The following RUNX1 variants were observed in gnomAD, a reference collection of about 807,000 sequenced individuals.
RUNX1 encodes the protein runt-related transcription factor 1.
A neutral mutation model predicts 42.8 loss-of-function variants in RUNX1; 19 were observed. The observed-to-expected ratio is 0.44, with a 90% CI of 0.31 to 0.65. The LOEUF is 0.65. Ranked by LOEUF, RUNX1 falls within the 30% of genes least tolerant of loss-of-function variation. RUNX1 has a pLI of 0.07. For synonymous variants in RUNX1, 271 were observed against 289.4 expected (o/e 0.94, Z 0.64); for missense variants, 528 against 672.0 (o/e 0.79, Z 2.37).
At chr21:34,955,180 G>A (rs2058635611) in intron 2 of RUNX1, among the ~76,000 whole-genome samples, 1 of 151,972 alleles carries the variant, frequency 6.6e-6, no homozygotes, top group Non-Finnish European at 1.5e-5. Flanking sequence ...AAATCACTGT[G>A]TGCCCATCTG....
intron 2 of RUNX1, among the ~76,000 whole-genome samples, chr21:34,934,617 T>G (rs2058472193): frequency 1.3e-5 from 2 of 152,174 alleles, no homozygotes; most frequent in African/African-American, 4.8e-5. Flanking sequence ...TCGATTCACA[T>G]GCTGGTGCTT....
At chr21:35,005,202 A>T (rs2059075168) in intron 2 of RUNX1, among the ~76,000 whole-genome samples, 2 of 152,228 alleles carry the variant, frequency 1.3e-5, no homozygotes, top group Admixed American at 1.3e-4. Context: ...TGATGAGGAA[A>T]CGGGAGAGAT....
chr21:34,854,071 C>G (rs551755411), intron 6 of RUNX1, among the ~76,000 whole-genome samples: 1 of 152,308 alleles, frequency 6.6e-6, no homozygotes, highest in African/African-American at 2.4e-5. Context: ...GCATTGGCCT[C>G]CCAAAGTGCT....
chr21:34,849,379 ACATAG>A (rs2057376377), intron 6 of RUNX1, among the ~76,000 whole-genome samples: 1 of 42,488 alleles, frequency 2.4e-5, no homozygotes, highest in African/African-American at 8.6e-5. Context: ...TATACTATAT[ACATAG>A]TATATATAAT....
chr21:35,019,719 A>C (rs2059184695), intron 2 of RUNX1, among the ~76,000 whole-genome samples: 1 of 152,116 alleles, frequency 6.6e-6, no homozygotes, highest in Non-Finnish European at 1.5e-5. Context: ...GGGATCGACA[A>C]CCACAATCAG....
At position 34,974,116 on chromosome 21, in the gene RUNX1, G is replaced by A. The variant is rs1036858590; in HGVS notation, c.58+74726C>T. Among the ~76,000 whole-genome samples the A allele has an allele frequency of 5.3e-5, 8 of 151,956 alleles. No individual in the cohort carries two copies. The East Asian group carries it at 5.8e-4, about 11-fold the overall frequency. ...TTCAAAAATTTTCTTCTCTGTTTTC[G>A]TAAAAGCCAAGTGCAAAGAGAGAAA... On this transcript the variant is annotated intron_variant, in intron 2 of 8. Transcript: ENST00000675419.
At chr21:34,834,318 T>C (rs2057108845) in intron 7 of RUNX1, 92 bp downstream of exon 7, 2 of 1,257,282 alleles carry the variant, frequency 1.6e-6, no homozygotes, top group Non-Finnish European at 2.3e-6. Flanking sequence ...GAAACCCCAG[T>C]TGGTCTGGGA....
At chr21:34,826,561 C>T (rs1372235046) in intron 7 of RUNX1, among the ~76,000 whole-genome samples, 1 of 151,502 alleles carries the variant, frequency 6.6e-6, no homozygotes, top group African/African-American at 2.4e-5. Context: ...CCTCAGCCTC[C>T]CGGGTAACTA....
Position 34,868,605 on chromosome 21 carries a change from T to G in RUNX1, c.509-9027A>C, listed in dbSNP as rs549714829. On this transcript the variant is annotated intron_variant, in intron 5 of 8. Coordinates refer to ENST00000675419, the MANE Select transcript of RUNX1 (RefSeq NM_001754.5). ...CCACCGGGTTAGTCTCCTTGTCACC[T>G]GCAGGTCTCAAGTGAATGACAAGTG... Among the ~76,000 whole-genome samples the G allele has an allele frequency of 9.8e-5, 15 of 152,340 alleles. No homozygotes were observed. In the South Asian group the frequency reaches 3.1e-3, roughly 32 times the overall value.
chr21:34,921,600 A>C (rs555565825), intron 2 of RUNX1, among the ~76,000 whole-genome samples: 1 of 151,822 alleles, frequency 6.6e-6, no homozygotes, highest in East Asian at 2.0e-4. Context: ...GAGTGCACAA[A>C]TATAAACATT....
At chr21:34,856,500 G>A (rs1023170789) in intron 6 of RUNX1, 36 of 511,840 alleles carry the variant, frequency 7.0e-5, no homozygotes, top group Non-Finnish European at 1.1e-4. Flanking sequence ...ATAGAGAGAT[G>A]AACAGATGAA....
At chr21:34,930,954 A>G (rs994488231) in intron 2 of RUNX1, among the ~76,000 whole-genome samples, 3 of 152,136 alleles carry the variant, frequency 2.0e-5, no homozygotes, top group Non-Finnish European at 4.4e-5. Context: ...CAATATCCTA[A>G]GAGATCACAA....
intron 2 of RUNX1, among the ~76,000 whole-genome samples, chr21:35,020,503 A>G (rs2059190604): frequency 6.6e-6 from 1 of 152,098 alleles, no homozygotes; most frequent in African/African-American, 2.4e-5. Context: ...GAGATCTGGG[A>G]GGATAAAGTA....
At chr21:34,862,392 A>C (rs2057589806) in intron 5 of RUNX1, among the ~76,000 whole-genome samples, 1 of 152,184 alleles carries the variant, frequency 6.6e-6, no homozygotes, top group Non-Finnish European at 1.5e-5. Context: ...CTTCATAAAA[A>C]TACTGTATTT....
intron 5 of RUNX1, among the ~76,000 whole-genome samples, chr21:34,862,043 C>A (rs1569064169): frequency 6.6e-6 from 1 of 150,954 alleles, no homozygotes; most frequent in Non-Finnish European, 1.5e-5. Flanking sequence ...AAAAAAAAGT[C>A]CCTTGAGGAC....
At chr21:34,890,091 C>G (rs1359921360) in intron 3 of RUNX1, among the ~76,000 whole-genome samples, 1 of 152,110 alleles carries the variant, frequency 6.6e-6, no homozygotes, top group African/African-American at 2.4e-5. Context: ...TGTCCCCGGG[C>G]GTTGCCGCGG....
chr21:35,030,899 T>C (rs1372244951), intron 2 of RUNX1, among the ~76,000 whole-genome samples: 1 of 152,112 alleles, frequency 6.6e-6, no homozygotes, highest in South Asian at 2.1e-4. Flanking sequence ...ATAATGTGAT[T>C]TAAAAACTGG....
Position 34,886,978 on chromosome 21 carries a change from C to T in RUNX1, c.216G>A (p.Arg72=). 1 of 1,609,282 alleles carries T rather than the reference C, an allele frequency of 6.2e-7. No homozygotes were observed. Among genetic ancestry groups the T allele is most frequent in the Non-Finnish European group, 8.5e-7 (1 of 1,178,962 alleles). ...DAGAALAGKL[R]SGDRSMVEVL... is the part of the protein sequence containing the mutation. ...CCTCCACCATGCTGCGGTCGCCGCT[C>T]CTCAGCTTGCCGGCCAGGGCAGCGC... Residue 72 remains arginine, a synonymous_variant, in exon 4 of 9, where the codon AGG becomes AGA. Transcript: ENST00000675419.
At chr21:34,931,359 T>TA (rs879803246) in intron 2 of RUNX1, among the ~76,000 whole-genome samples, 182 of 146,070 alleles carry the variant, frequency 1.2e-3, no homozygotes, top group Non-Finnish European at 1.8e-3. Flanking sequence ...TACATGTGTA[T>TA]ATATATGTGT....
Sources: allele counts gnomAD v4.1 joint callset (sites outside exome capture counted in the v4.1 genomes callset), GRCh38; gene constraint gnomAD v4.1.1; transcripts MANE v1.5; gene names NCBI Gene and HGNC (gene_info 2026-07-23, HGNC 2026-07-21).